Variants in CSMD1 observed in about 807,000 individuals in gnomAD.
CSMD1 encodes CUB and sushi domain-containing protein 1.
In CSMD1, 213 loss-of-function variants were observed where a neutral mutation model predicts 417.5. The ratio of observed to expected loss-of-function variants is 0.51; its 90% CI spans 0.46 to 0.57. The LOEUF is 0.57. Among genes scored for constraint, CSMD1 ranks in the 20% least tolerant of loss-of-function variants. CSMD1 has a pLI of 0.00. For synonymous variants in CSMD1, 2,862 were observed against 1,736.8 expected (o/e 1.65, Z -16.11); for missense variants, 6,923 against 4,529.7 (o/e 1.53, Z -15.17).
At chr8:4,103,350 T>A (rs1801403066) in intron 3 of CSMD1, among the ~76,000 whole-genome samples, 1 of 151,392 alleles carries the variant, frequency 6.6e-6, no homozygotes, top group Admixed American at 6.6e-5. Context: ...AAAAAGTTGG[T>A]TTTGAATTCC....
intron 7 of CSMD1, among the ~76,000 whole-genome samples, chr8:3,645,750 T>G (rs1797542075): frequency 6.6e-6 from 1 of 152,164 alleles, no homozygotes; most frequent in Non-Finnish European, 1.5e-5. Context: ...GAGGCAAAAG[T>G]TAGGTTATTA....
chr8:4,772,815 A>C (rs1402519542), intron 1 of CSMD1, among the ~76,000 whole-genome samples: 1 of 152,180 alleles, frequency 6.6e-6, no homozygotes, highest in East Asian at 1.9e-4. Context: ...TTCGGATACT[A>C]ACATTTCCTA....
At chr8:4,712,360 G>T (rs904689826) in intron 1 of CSMD1, among the ~76,000 whole-genome samples, 1 of 152,098 alleles carries the variant, frequency 6.6e-6, no homozygotes, top group Non-Finnish European at 1.5e-5. Flanking sequence ...CCTTTGATTT[G>T]TACATGGCAC....
At chr8:4,673,786 T>G (rs2130954754) in intron 1 of CSMD1, among the ~76,000 whole-genome samples, 1 of 152,296 alleles carries the variant, frequency 6.6e-6, no homozygotes, top group Non-Finnish European at 1.5e-5. Context: ...TGATTAAGTT[T>G]GTATGAAGTG....
chr8:3,757,019 T>G (rs1222511618), intron 5 of CSMD1, among the ~76,000 whole-genome samples: 1 of 152,176 alleles, frequency 6.6e-6, no homozygotes, highest in Admixed American at 6.5e-5. Flanking sequence ...TCCAGACTGG[T>G]CTTGAACTCA....
intron 12 of CSMD1, among the ~76,000 whole-genome samples, chr8:3,458,025 A>C (rs1361007062): frequency 6.6e-6 from 1 of 152,222 alleles, no homozygotes; most frequent in East Asian, 1.9e-4. Flanking sequence ...TATCATTATC[A>C]GAACTTTCAT....
chr8:3,708,398 A>T lies in CSMD1; in HGVS notation c.1009+16T>A. ...AAGGGCGTATCAATCCTCAGATAGA[A>T]AGGAAAGGGACTCACAGACAGAGTT... On this transcript the variant is annotated intron_variant, in intron 7 of 69. Coordinates refer to ENST00000635120, the MANE Select transcript of CSMD1 (RefSeq NM_033225.6). The T allele has an allele frequency of 6.2e-7, 1 of 1,611,060 alleles. No individual in the cohort carries two copies. The highest frequency in any genetic ancestry group is 1.7e-4 in the Middle Eastern group (1 of 6,060).
intron 5 of CSMD1, among the ~76,000 whole-genome samples, chr8:3,911,696 C>T (rs1185057879): frequency 6.6e-6 from 1 of 152,066 alleles, no homozygotes; most frequent in Non-Finnish European, 1.5e-5. Flanking sequence ...ATAAGCACTC[C>T]CAGGCTCGCC....
chr8:4,335,758 G>C (rs1303615559), intron 3 of CSMD1, among the ~76,000 whole-genome samples: 1 of 152,092 alleles, frequency 6.6e-6, no homozygotes, highest in Non-Finnish European at 1.5e-5. Flanking sequence ...ACAAGATAGA[G>C]TCATCAATAC....
intron 20 of CSMD1, among the ~76,000 whole-genome samples, chr8:3,366,365 G>A (rs546535791): frequency 4.8e-5 from 7 of 147,080 alleles, no homozygotes; most frequent in Non-Finnish European, 6.0e-5. Context: ...TTTAAGTGGC[G>A]GCAATTTTTT....
chr8:4,335,886 C>G (rs991624923), intron 3 of CSMD1, among the ~76,000 whole-genome samples: 2 of 152,152 alleles, frequency 1.3e-5, no homozygotes, highest in South Asian at 4.1e-4. Context: ...AGTGGAGAAC[C>G]TCCAGGGCTT....
At chr8:3,874,393 C>T (rs1002957854) in intron 5 of CSMD1, among the ~76,000 whole-genome samples, 1 of 152,184 alleles carries the variant, frequency 6.6e-6, no homozygotes, top group African/African-American at 2.4e-5. Context: ...TTTTCAGTGA[C>T]TCCTACAGTC....
Position 3,219,239 on chromosome 8 carries a change from C to G in CSMD1, c.4672+16G>C, listed in dbSNP as rs1212173928. 8 of 1,571,262 alleles carry G rather than the reference C, an allele frequency of 5.1e-6. No individual in the cohort carries two copies. The South Asian group carries it at 7.0e-5, about 14-fold the overall frequency. On this transcript the variant is annotated intron_variant, in intron 29 of 69. Coordinates refer to ENST00000635120, the MANE Select transcript of CSMD1 (RefSeq NM_033225.6). ...ATACAAATTAATTCCCACTCAAATTCAGGCAATCGCAATACCTTTAAATTC... is the reference window on the plus strand; with the variant it reads ...ATACAAATTAATTCCCACTCAAATTGAGGCAATCGCAATACCTTTAAATTC...
At chr8:4,181,458 C>T (rs992490852) in intron 3 of CSMD1, among the ~76,000 whole-genome samples, 1 of 151,904 alleles carries the variant, frequency 6.6e-6, no homozygotes, top group Non-Finnish European at 1.5e-5. Context: ...TCTTGGGTCA[C>T]ACAGAAAATA....
chr8:3,997,827 A>C (rs568966081), intron 5 of CSMD1, 76 bp downstream of exon 5: 3 of 1,329,478 alleles, frequency 2.3e-6, no homozygotes, highest in African/African-American at 3.0e-5. Context: ...GAGACAAGCA[A>C]TTCTTGAAGC....
intron 3 of CSMD1, among the ~76,000 whole-genome samples, chr8:4,317,069 A>G (rs535059809): frequency 6.6e-6 from 1 of 152,308 alleles, no homozygotes; most frequent in East Asian, 1.9e-4. Context: ...CTGTGGAATT[A>G]ATCAGCTACT....
intron 3 of CSMD1, among the ~76,000 whole-genome samples, chr8:4,324,912 C>T (rs549613231): frequency 6.6e-6 from 1 of 152,094 alleles, no homozygotes; most frequent in Admixed American, 6.5e-5. Context: ...TGAGTTGATT[C>T]TAGGTATGGG....
At chr8:3,424,455 A>C (rs1318922032) in intron 12 of CSMD1, among the ~76,000 whole-genome samples, 3 of 152,186 alleles carry the variant, frequency 2.0e-5, no homozygotes, top group Non-Finnish European at 4.4e-5. Flanking sequence ...GTATTTATTC[A>C]CTGTTTGTAT....
chr8:3,967,713 G>A (rs995520285), intron 5 of CSMD1, among the ~76,000 whole-genome samples: 1 of 152,020 alleles, frequency 6.6e-6, no homozygotes, highest in Non-Finnish European at 1.5e-5. Context: ...AAGGGAAGTG[G>A]GCAAGAGATG....
Sources: gnomAD v4.1 joint callset for allele counts (sites outside exome capture counted in the v4.1 genomes callset) on GRCh38, gnomAD v4.1.1 for gene constraint, MANE v1.5 for transcripts, NCBI Gene and HGNC (gene_info 2026-07-23, HGNC 2026-07-21) for gene names.